Variants in NR3C2 observed in about 807,000 individuals in gnomAD.
NR3C2 encodes mineralocorticoid receptor.
NR3C2 carries 15 observed loss-of-function variants against 86.4 expected under a neutral mutation model. The ratio of observed to expected loss-of-function variants is 0.17; its 90% CI spans 0.12 to 0.27. The LOEUF is 0.27. Ranked by LOEUF, NR3C2 falls within the 10% of genes least tolerant of loss-of-function variation. NR3C2 has a pLI of 1.00. For missense variants in NR3C2, 960 were observed against 1,195.6 expected (o/e 0.80, Z 2.91); for synonymous variants, 458 against 450.5 (o/e 1.02, Z -0.21).
upstream of NR3C2, chr4:148,444,900 A>T: frequency 1.0e-6 from 1 of 984,624 alleles, no homozygotes; most frequent in East Asian, 1.1e-4. Context: ...GCCGCTCCGC[A>T]GCGCCACTCT....
At chr4:148,085,088 C>G (rs1259061174) in intron 8 of NR3C2, among the ~76,000 whole-genome samples, 1 of 152,038 alleles carries the variant, frequency 6.6e-6, no homozygotes, top group East Asian at 1.9e-4. Context: ...AATATTAGAT[C>G]AATGAGACAG....
intron 2 of NR3C2, among the ~76,000 whole-genome samples, chr4:148,388,462 A>G (rs139575174): frequency 2.0e-4 from 30 of 152,298 alleles, no homozygotes; most frequent in African/African-American, 7.2e-4. Flanking sequence ...TGCTCAACCT[A>G]TGTGGAGAGA....
intron 7 of NR3C2, among the ~76,000 whole-genome samples, chr4:148,116,013 G>C (rs1368947320): frequency 6.6e-6 from 1 of 152,058 alleles, no homozygotes; most frequent in African/African-American, 2.4e-5. Flanking sequence ...CCTTCTAAAA[G>C]ATAGGAAAAG....
chr4:148,155,463 C>A (rs999381899), intron 4 of NR3C2, among the ~76,000 whole-genome samples: 16 of 152,074 alleles, frequency 1.1e-4, no homozygotes, highest in Non-Finnish European at 2.2e-4. Context: ...TTCTTATACA[C>A]CAATAACAGA....
At chr4:148,285,284 A>G (rs12512126) in intron 2 of NR3C2, among the ~76,000 whole-genome samples, 31,907 of 152,260 alleles carry the variant, frequency 0.21, 4,196 homozygotes, top group East Asian at 0.42. Context: ...CTATTGTGAA[A>G]GACAGGAAAA....
intron 3 of NR3C2, among the ~76,000 whole-genome samples, chr4:148,217,341 A>G (rs1737593848): frequency 6.6e-6 from 1 of 152,204 alleles, no homozygotes; most frequent in Non-Finnish European, 1.5e-5. Context: ...ACGAATACAG[A>G]AAACTCTTAG....
rs1407970419 is a variant in NR3C2, at chr4:148,288,404, T to C, written c.1758-28287A>G. 3.3e-5 allele frequency among the ~76,000 whole-genome samples: 5 copies of C among 152,378 alleles called. No individual in the cohort carries two copies. In the East Asian group the frequency reaches 9.6e-4, roughly 29 times the overall value. On this transcript the variant is annotated intron_variant, in intron 2 of 8. Coordinates refer to ENST00000358102, the MANE Select transcript of NR3C2 (RefSeq NM_000901.5). ...CATGCCTAAATGCCAGGCACTGTTCTAGGCACCAGGGTGGAAAACCCACAT... is the reference window on the plus strand; with the variant it reads ...CATGCCTAAATGCCAGGCACTGTTCCAGGCACCAGGGTGGAAAACCCACAT...
intron 3 of NR3C2, among the ~76,000 whole-genome samples, chr4:148,219,031 T>C (rs1306757837): frequency 6.6e-6 from 1 of 152,188 alleles, no homozygotes; most frequent in African/African-American, 2.4e-5. Flanking sequence ...TTTAAGAAAC[T>C]GCCAAATCAT....
chr4:148,169,933 A>G lies in NR3C2; in HGVS notation c.2015-15032T>C, dbSNP rs73853782. Among the ~76,000 whole-genome samples the G allele has an allele frequency of 5.5e-3, 843 of 152,334 alleles. 11 individuals carry two copies. The highest frequency in any genetic ancestry group is 0.019 in the African/African-American group (799 of 41,576). On this transcript the variant is annotated intron_variant, in intron 4 of 8. Transcript: ENST00000358102. Reference sequence around the variant, plus strand: ...GAGAACTATCAACCTAAAGGTTCTGAATGAGATTACAGAAAGCAGGAGAAA... The same window carrying G: ...GAGAACTATCAACCTAAAGGTTCTGGATGAGATTACAGAAAGCAGGAGAAA...
At chr4:148,360,595 T>A (rs892484611) in intron 2 of NR3C2, among the ~76,000 whole-genome samples, 1 of 152,190 alleles carries the variant, frequency 6.6e-6, no homozygotes, top group Non-Finnish European at 1.5e-5. Context: ...GTTATAAGTA[T>A]CCGACATATT....
intron 2 of NR3C2, among the ~76,000 whole-genome samples, chr4:148,389,932 C>A (rs925147138): frequency 2.6e-5 from 4 of 152,006 alleles, no homozygotes; most frequent in Admixed American, 2.6e-4. Context: ...CACTATGCCT[C>A]AACTTTTAAA....
At chr4:148,284,670 G>C (rs1741426914) in intron 2 of NR3C2, among the ~76,000 whole-genome samples, 1 of 152,140 alleles carries the variant, frequency 6.6e-6, no homozygotes, top group Non-Finnish European at 1.5e-5. Flanking sequence ...TATCTTGTGA[G>C]CCAAGCTTTA....
intron 2 of NR3C2, among the ~76,000 whole-genome samples, chr4:148,311,658 A>G (rs1443145999): frequency 6.6e-6 from 1 of 152,188 alleles, no homozygotes; most frequent in Non-Finnish European, 1.5e-5. Flanking sequence ...GTCAGATGCC[A>G]TTCATTTGCT....
upstream of NR3C2, chr4:148,444,768 G>A (rs1375115952): frequency 4.4e-5 from 43 of 984,692 alleles, no homozygotes; most frequent in African/African-American, 5.2e-5. Context: ...GCGGGCACCC[G>A]CCCGCCCCCA....
intron 3 of NR3C2, among the ~76,000 whole-genome samples, chr4:148,244,826 T>G (rs754077996): frequency 9.9e-5 from 15 of 152,242 alleles, no homozygotes; most frequent in Non-Finnish European, 1.8e-4. Flanking sequence ...AAATTACATT[T>G]AGGACTTTTG....
chr4:148,183,876 T>C (rs185314767), intron 4 of NR3C2, among the ~76,000 whole-genome samples: 34 of 152,278 alleles, frequency 2.2e-4, no homozygotes, highest in Admixed American at 5.9e-4. Flanking sequence ...TAATACCTAA[T>C]AATTTCTTAC....
At chr4:148,390,705 AC>A (rs1452925377) in intron 2 of NR3C2, among the ~76,000 whole-genome samples, 1 of 152,178 alleles carries the variant, frequency 6.6e-6, no homozygotes, top group Non-Finnish European at 1.5e-5. Context: ...CATAAAATGA[AC>A]CCTTAATCTT....
intron 6 of NR3C2, among the ~76,000 whole-genome samples, chr4:148,126,687 G>A (rs1484804900): frequency 6.6e-6 from 1 of 152,112 alleles, no homozygotes; most frequent in Non-Finnish European, 1.5e-5. Flanking sequence ...CCTAAAGAAA[G>A]CATTTTTTTT....
intron 8 of NR3C2, among the ~76,000 whole-genome samples, chr4:148,098,119 CCT>C (rs1319916404): frequency 3.3e-5 from 5 of 152,278 alleles, no homozygotes; most frequent in Middle Eastern, 3.4e-3. Context: ...TCTGATTAAA[CCT>C]CTCTGCTGCA....
Sources: allele counts gnomAD v4.1 joint callset (sites outside exome capture counted in the v4.1 genomes callset), GRCh38; gene constraint gnomAD v4.1.1; transcripts MANE v1.5; gene names NCBI Gene and HGNC (gene_info 2026-07-23, HGNC 2026-07-21).